The following CIMAP2 variants were observed in gnomAD, a reference collection of about 807,000 sequenced individuals.
CIMAP2 encodes the protein ciliary microtubule-associated protein 2.
chr1:54,835,040 C>T, the CIMAP2 span, among the ~76,000 whole-genome samples: 2 of 152,184 alleles, frequency 1.3e-5, no homozygotes, highest in Non-Finnish European at 2.9e-5. Context: ...CTCCAGCACG[C>T]ATACTGCATT....
At chr1:54,837,534 G>A in the CIMAP2 span, among the ~76,000 whole-genome samples, 6 of 152,140 alleles carry the variant, frequency 3.9e-5, no homozygotes, top group African/African-American at 1.5e-4. Context: ...TGCACAGCAG[G>A]GTACTGCTGG....
At chr1:54,833,296 C>G in the CIMAP2 span, among the ~76,000 whole-genome samples, 55 of 152,268 alleles carry the variant, frequency 3.6e-4, no homozygotes, top group African/African-American at 1.3e-3. Context: ...GTGCGGGGAC[C>G]AGAAACACAT....
the CIMAP2 span, chr1:54,807,479 G>C: frequency 1.2e-5 from 17 of 1,454,780 alleles, no homozygotes; most frequent in Admixed American, 4.7e-4. Context: ...TCTGTGGGTA[G>C]ACTGGGCGGG....
chr1:54,829,750 T>C, the CIMAP2 span, among the ~76,000 whole-genome samples: 1 of 152,232 alleles, frequency 6.6e-6, no homozygotes, highest in Non-Finnish European at 1.5e-5. Context: ...CAATATGCTC[T>C]GGTTTCATGA....
At chr1:54,807,921 C>T in the CIMAP2 span, 6 of 1,607,734 alleles carry the variant, frequency 3.7e-6, no homozygotes, top group Non-Finnish European at 4.2e-6. Context: ...CCTACAACCT[C>T]AAAGACTTCT....
the CIMAP2 span, chr1:54,811,774 CCCCCA>C: frequency 1.5e-5 from 7 of 476,462 alleles, no homozygotes; most frequent in Non-Finnish European, 2.9e-5. Flanking sequence ...AGCCTCCATG[CCCCCA>C]CCCCCGCCCC....
chr1:54,841,736 G>A, the CIMAP2 span: 1 of 1,594,248 alleles, frequency 6.3e-7, no homozygotes, highest in Non-Finnish European at 8.6e-7. Flanking sequence ...GTCCCTCCAG[G>A]GATGAGGAGC....
the CIMAP2 span, chr1:54,811,830 G>C: frequency 6.3e-7 from 1 of 1,577,638 alleles, no homozygotes; most frequent in Non-Finnish European, 8.6e-7. Flanking sequence ...TGGGGAGAAG[G>C]GTAACCCATA....
the CIMAP2 span, among the ~76,000 whole-genome samples, chr1:54,832,175 C>T: frequency 5.3e-5 from 8 of 152,178 alleles, no homozygotes. Context: ...CCCAAAATAA[C>T]AGTAACAAAA....
At chr1:54,814,069 T>G in the CIMAP2 span, 2 of 1,404,738 alleles carry the variant, frequency 1.4e-6, no homozygotes, top group South Asian at 1.5e-5. Context: ...TCATAGGGAA[T>G]AGCTCAGTCT....
chr1:54,807,977 G>T, the CIMAP2 span: 1 of 1,596,468 alleles, frequency 6.3e-7, no homozygotes, highest in Non-Finnish European at 8.5e-7. Flanking sequence ...GGGCTGCTCA[G>T]CTCTGGGGAG....
chr1:54,817,063 C>G, the CIMAP2 span: 1 of 1,614,198 alleles, frequency 6.2e-7, no homozygotes, highest in Non-Finnish European at 8.5e-7. Flanking sequence ...GATATCGATC[C>G]CTATTCCTGA....
At chr1:54,811,720 G>T in the CIMAP2 span, 4 of 1,420,040 alleles carry the variant, frequency 2.8e-6, no homozygotes, top group South Asian at 1.2e-5. Flanking sequence ...GCAATCTCAG[G>T]TGTCTGTTCC....
the CIMAP2 span, among the ~76,000 whole-genome samples, chr1:54,820,028 C>T: frequency 7.2e-6 from 1 of 137,966 alleles, no homozygotes; most frequent in African/African-American, 2.7e-5. Flanking sequence ...TTCCTTCCTT[C>T]CTTCCTTCAT....
At chr1:54,841,208 G>T in the CIMAP2 span, among the ~76,000 whole-genome samples, 2 of 152,172 alleles carry the variant, frequency 1.3e-5, no homozygotes, top group African/African-American at 2.4e-5. Flanking sequence ...CGTTCATGGA[G>T]TTCACATCTT....
At chr1:54,806,079 C>G in the CIMAP2 span, 3 of 1,489,382 alleles carry the variant, frequency 2.0e-6, no homozygotes, top group South Asian at 1.3e-5. Flanking sequence ...CCCGGGTTGC[C>G]GTGGCAGCAG....
At chr1:54,808,375 G>T in the CIMAP2 span, among the ~76,000 whole-genome samples, 1 of 152,134 alleles carries the variant, frequency 6.6e-6, no homozygotes, top group South Asian at 2.1e-4. Flanking sequence ...CCTACAGGTC[G>T]TGAGCAACGG....
the CIMAP2 span, among the ~76,000 whole-genome samples, chr1:54,811,058 G>A: frequency 1.3e-5 from 2 of 152,106 alleles, no homozygotes; most frequent in African/African-American, 4.8e-5. Context: ...TCCTTCCCTT[G>A]CTTGCAGACA....
chr1:54,814,384 G>A, the CIMAP2 span, among the ~76,000 whole-genome samples: 2 of 152,212 alleles, frequency 1.3e-5, no homozygotes, highest in African/African-American at 4.8e-5. Context: ...CTCCGCCCAA[G>A]GGAGTGGTGC....
Sources: gnomAD v4.1 joint callset for allele counts (sites outside exome capture counted in the v4.1 genomes callset) on GRCh38, gnomAD v4.1.1 for gene constraint, MANE v1.5 for transcripts, NCBI Gene and HGNC (gene_info 2026-07-23, HGNC 2026-07-21) for gene names.